Variants in CTBP2 observed in about 807,000 individuals in gnomAD.
The protein encoded by CTBP2 is C-terminal-binding protein 2.
Under a neutral mutation model 80.3 loss-of-function variants are expected in CTBP2, and 30 were observed. That is an observed-to-expected ratio of 0.37 (90% CI 0.28 to 0.51). The LOEUF is 0.51. CTBP2 is among the 20% of genes least tolerant of loss of function. The pLI is 0.93. For missense variants in CTBP2, 1,212 were observed against 1,375.3 expected (o/e 0.88, Z 1.88); for synonymous variants, 594 against 587.4 (o/e 1.01, Z -0.16).
intron 2 of CTBP2, among the ~76,000 whole-genome samples, chr10:125,056,758 G>A (rs1353817799): frequency 6.6e-6 from 1 of 152,228 alleles, no homozygotes; most frequent in African/African-American, 2.4e-5. Context: ...CGTGGCCTTA[G>A]GACCTCCAAC....
chr10:125,019,232 C>A (rs1244227902), intron 1 of CTBP2, among the ~76,000 whole-genome samples: 2 of 152,164 alleles, frequency 1.3e-5, no homozygotes, highest in Non-Finnish European at 2.9e-5. Context: ...GAGTGGGAAA[C>A]ACACACCTGA....
intron 2 of CTBP2, among the ~76,000 whole-genome samples, chr10:125,075,829 G>A (rs1846195085): frequency 6.6e-6 from 1 of 152,234 alleles, no homozygotes; most frequent in Non-Finnish European, 1.5e-5. Flanking sequence ...ATGCGCAGCT[G>A]GCAGGAGTGG....
chr10:125,049,014 C>T (rs546617845), intron 2 of CTBP2, among the ~76,000 whole-genome samples: 4 of 150,056 alleles, frequency 2.7e-5, no homozygotes, highest in African/African-American at 7.4e-5. Flanking sequence ...CATTAATGTG[C>T]TCTCTGGCCT....
At chr10:125,047,091 C>T (rs1485280305) in intron 2 of CTBP2, among the ~76,000 whole-genome samples, 3 of 152,052 alleles carry the variant, frequency 2.0e-5, no homozygotes, top group Admixed American at 2.0e-4. Context: ...TTTAAAAGAA[C>T]TTGTCTTCCA....
intron 2 of CTBP2, among the ~76,000 whole-genome samples, chr10:125,075,880 T>C (rs572814189): frequency 1.4e-4 from 22 of 152,364 alleles, no homozygotes; most frequent in East Asian, 3.9e-4. Context: ...AGGCGGTTTC[T>C]ACCAAAGCTG....
intron 2 of CTBP2, among the ~76,000 whole-genome samples, chr10:125,051,044 C>T (rs918049560): frequency 6.6e-6 from 1 of 152,198 alleles, no homozygotes; most frequent in African/African-American, 2.4e-5. Context: ...TACATGAAAT[C>T]CCACTGGAGA....
chr10:125,028,148 G>C, upstream of CTBP2: 1 of 177,420 alleles, frequency 5.6e-6, no homozygotes, highest in East Asian at 1.5e-4. Context: ...GTGACATCTC[G>C]TTAGACTGAT....
At chr10:125,140,848 A>T (rs1440572115) in intron 1 of CTBP2, among the ~76,000 whole-genome samples, 1 of 148,996 alleles carries the variant, frequency 6.7e-6, no homozygotes, top group African/African-American at 2.5e-5. Context: ...AATATTAAAA[A>T]CCATGACGTG....
chr10:125,058,434 G>T (rs1964369180), intron 2 of CTBP2, among the ~76,000 whole-genome samples: 1 of 152,150 alleles, frequency 6.6e-6, no homozygotes, highest in Non-Finnish European at 1.5e-5. Context: ...AACCGCCAAG[G>T]ATCTGGAGGA....
intron 1 of CTBP2, among the ~76,000 whole-genome samples, chr10:125,014,037 G>A (rs1021944076): frequency 5.3e-5 from 8 of 152,166 alleles, no homozygotes; most frequent in Admixed American, 3.9e-4. Context: ...CTTCCCACCC[G>A]GGTGTCTCTC....
At chr10:125,041,504 A>ACCCCCCCCCCCCCCCC (rs10559259) in intron 2 of CTBP2, among the ~76,000 whole-genome samples, 2 of 91,134 alleles carry the variant, frequency 2.2e-5, no homozygotes, top group African/African-American at 3.7e-5. Context: ...GTCCATCCCC[A>ACCCCCCCCCCCCCCCC]CCCCCCCCCC....
chr10:125,111,196 C>G (rs374172253), intron 1 of CTBP2, 103 bp from the exon 2 acceptor site: 1 of 152,014 alleles, frequency 6.6e-6, no homozygotes, highest in African/African-American at 2.4e-5. Context: ...GCCTTCGACT[C>G]TAAGCTACCA....
chr10:124,990,003 C>T (rs970868665), intron 8 of CTBP2, among the ~76,000 whole-genome samples: 1 of 151,130 alleles, frequency 6.6e-6, no homozygotes, highest in Non-Finnish European at 1.5e-5. Flanking sequence ...CTCCCAGAGT[C>T]CTGGGAGTAC....
rs1430757367 is a variant in CTBP2 at position 124,985,801 on chromosome 10, CT to C, written c.*3716del. ...CCTGGATGAAAAGGGAGCAAGCCCA[CT>C]TGTCACTAAATGAATTGTGTGAAAT... On this transcript the variant is annotated 3_prime_UTR_variant, in exon 9 of 9. Coordinates refer to ENST00000309035, the MANE Select transcript of CTBP2 (RefSeq NM_022802.3). The C allele has an allele frequency of 2.6e-5, 4 of 152,232 alleles. No homozygotes were observed. Among genetic ancestry groups the C allele is most frequent in the Admixed American group, 6.5e-5 (1 of 15,288 alleles). 9.4% of individuals were successfully genotyped at this position (152,232 alleles called of 1,614,324 possible).
At chr10:124,993,780 CGA>C (rs1338269095) in intron 6 of CTBP2, 73 bp downstream of exon 8, 1 of 1,523,104 alleles carries the variant, frequency 6.6e-7, no homozygotes, top group African/African-American at 1.4e-5. Flanking sequence ...AAAAGGGCCT[CGA>C]GTTCAAAGTG....
intron 2 of CTBP2, among the ~76,000 whole-genome samples, chr10:125,041,845 G>A (rs74623210): frequency 6.6e-6 from 1 of 151,392 alleles, no homozygotes; most frequent in Admixed American, 6.6e-5. Flanking sequence ...ATGGCTTCCT[G>A]AAAAATTGAT....
At chr10:125,075,440 T>A (rs1846133963) in intron 2 of CTBP2, among the ~76,000 whole-genome samples, 1 of 152,212 alleles carries the variant, frequency 6.6e-6, no homozygotes, top group Admixed American at 6.5e-5. Context: ...TTCTCCTCTC[T>A]CTTTGCCCCT....
chr10:125,142,072 T>G (rs1354952536), intron 1 of CTBP2, among the ~76,000 whole-genome samples: 1 of 152,168 alleles, frequency 6.6e-6, no homozygotes, highest in East Asian at 1.9e-4. Context: ...TGGCCTTAGA[T>G]GCACCAGGGC....
Position 125,097,665 on chromosome 10 carries a change from G to GTGCACACGTGTGAGCA in CTBP2, c.-102+13309_-102+13324dup, listed in dbSNP as rs537997104. ...CAGTGTGTCCATGTCAGATGTATGT[G>GTGCACACGTGTGAGCA]TGCACACGTGTGAGCATGCACACGT... On this transcript the variant is annotated intron_variant, in intron 2 of 10. Transcript: ENST00000337195. 2.9e-3 allele frequency among the ~76,000 whole-genome samples: 437 copies of GTGCACACGTGTGAGCA among 152,164 alleles called. 1 individual carries two copies. Among genetic ancestry groups the GTGCACACGTGTGAGCA allele is most frequent in the African/African-American group, 8.7e-3 (362 of 41,520 alleles).
Sources: allele counts gnomAD v4.1 joint callset (sites outside exome capture counted in the v4.1 genomes callset), GRCh38; gene constraint gnomAD v4.1.1; transcripts MANE v1.5; gene names NCBI Gene and HGNC (gene_info 2026-07-23, HGNC 2026-07-21).